KLK13: variants seen among roughly 807,000 people sequenced by gnomAD.
The protein encoded by KLK13 is kallikrein-13.
KLK13 carries 19 observed loss-of-function variants against 22.4 expected under a neutral mutation model. The ratio of observed to expected loss-of-function variants is 0.85; its 90% CI spans 0.59 to 1.24. KLK13 has a LOEUF of 1.24. Ranked by LOEUF, KLK13 falls within the 50% of genes most tolerant of loss-of-function variation. The pLI is 0.00. For synonymous variants in KLK13, 156 were observed against 141.8 expected, an observed-to-expected ratio of 1.10 and a Z score of -0.71; for missense variants, 311 against 347.9, an observed-to-expected ratio of 0.89 and a Z score of 0.84.
At chr19:51,064,381 G>C (rs1179428418) in intron 1 of KLK13, among the ~76,000 whole-genome samples, 1 of 151,294 alleles carries the variant, frequency 6.6e-6, no homozygotes, top group African/African-American at 2.4e-5. Context: ...CCAGCTACTC[G>C]GGAGGCTGAG....
At chr19:51,059,597 T>C in intron 3 of KLK13, 1 of 249,560 alleles carries the variant, frequency 4.0e-6, no homozygotes, top group Non-Finnish European at 7.2e-6. Flanking sequence ...ATTCATATAT[T>C]AGATCTATTT....
In KLK13 at chr19:51,056,723, G is replaced by A. The variant is rs147145797; in HGVS notation, c.698C>T (p.Ser233Phe). 5.0e-6 allele frequency: 8 copies of A among 1,614,204 alleles called. No homozygotes were observed. In the African/African-American group the frequency reaches 6.7e-5, roughly 13 times the overall value. Residue 233 changes from serine to phenylalanine, a missense_variant, in exon 5 of 5, where the codon TCC becomes TTC. Coordinates refer to ENST00000595793, the MANE Select transcript of KLK13 (RefSeq NM_015596.3). ...TTGCCCACATGGGAAGTCTCCCCAGGAGACGATGCCATACAGTGTTCTGTT... is the reference window on the plus strand; with the variant it reads ...TTGCCCACATGGGAAGTCTCCCCAGAAGACGATGCCATACAGTGTTCTGTT... ...VCNRTLYGIV[S>F]WGDFPCGQPD...
Position 51,058,667 on chromosome 19 carries a change from G to C in KLK13, c.516C>G (p.Tyr172Ter). The change falls in exon 4 of 5, where the codon TAC becomes TAG. Residue 172 changes from tyrosine to a stop codon, truncating the protein, a stop_gained. Coordinates refer to ENST00000595793, the MANE Select transcript of KLK13 (RefSeq NM_015596.3). LOFTEE classifies it high-confidence loss of function. The part of the protein sequence containing the change: ...WGTTTSPQVN[Y>*]PKTLQCANIQ... Reference sequence around the variant, plus strand: ...TGTTGGCACATTGTAGAGTTTTGGGGTAATTCACTGGGGAGAAGAAAGAGA... The same window carrying C: ...TGTTGGCACATTGTAGAGTTTTGGGCTAATTCACTGGGGAGAAGAAAGAGA... 1.2e-6 allele frequency: 2 copies of C among 1,614,166 alleles called. No individual in the cohort carries two copies. Among genetic ancestry groups the C allele is most frequent in the Non-Finnish European group, 8.5e-7 (1 of 1,180,016 alleles).
chr19:51,059,294 T>G (rs548917872), intron 3 of KLK13, among the ~76,000 whole-genome samples: 1 of 149,548 alleles, frequency 6.7e-6, no homozygotes, highest in South Asian at 2.1e-4. Flanking sequence ...TTTAATATAT[T>G]AAACATTTTA....
intron 3 of KLK13, 74 bp downstream of exon 3, chr19:51,059,751 C>T: frequency 7.7e-7 from 1 of 1,291,102 alleles, no homozygotes. Context: ...CTACCTCAGA[C>T]CTTCCCTCCC....
chr19:51,059,192 T>C (rs1455953237), intron 3 of KLK13, among the ~76,000 whole-genome samples: 1 of 151,854 alleles, frequency 6.6e-6, no homozygotes, highest in Non-Finnish European at 1.5e-5. Context: ...ACATCAACTT[T>C]ATATTCACAT....
intron 3 of KLK13, 195 bp downstream of exon 3, chr19:51,059,630 T>G (rs1484336517): frequency 3.2e-6 from 1 of 308,674 alleles, no homozygotes; most frequent in Non-Finnish European, 5.6e-6. Flanking sequence ...ATTCATGAAT[T>G]TATATACTCA....
At chr19:51,064,766 T>C (rs2091764837) in intron 1 of KLK13, 2 of 641,628 alleles carry the variant, frequency 3.1e-6, no homozygotes, top group South Asian at 1.6e-5. Flanking sequence ...ACAGGAAGCC[T>C]TGAACGCGGG....
intron 3 of KLK13, chr19:51,059,620 AT>A (rs2091706862): frequency 3.4e-6 from 1 of 290,172 alleles, no homozygotes. Flanking sequence ...ATTTCTATAT[AT>A]TCATGAATTT....
intron 3 of KLK13, among the ~76,000 whole-genome samples, chr19:51,059,434 A>G (rs941183352): frequency 6.8e-6 from 1 of 146,182 alleles, no homozygotes; most frequent in Non-Finnish European, 1.5e-5. Context: ...ATTTAAATAT[A>G]GATTATATAT....
At chr19:51,057,089 G>T (rs1568587009) in intron 4 of KLK13, among the ~76,000 whole-genome samples, 4 of 152,070 alleles carry the variant, frequency 2.6e-5, no homozygotes, top group Middle Eastern at 3.4e-3. Flanking sequence ...CATTAAAATG[G>T]TAACAACTTA....
chr19:51,064,559 C>T (rs1272137229), intron 1 of KLK13: 7 of 488,570 alleles, frequency 1.4e-5, no homozygotes, highest in Non-Finnish European at 2.9e-5. Context: ...ACTTTCAAGT[C>T]CCTTCTACCT....
chr19:51,060,339 TAACTCC>T, intron 2 of KLK13, 88 bp downstream of exon 2: 1 of 1,343,028 alleles, frequency 7.4e-7, no homozygotes, highest in Non-Finnish European at 1.0e-6. Flanking sequence ...TCCCCAACCC[TAACTCC>T]AACTCCATCC....
chr19:51,063,642 G>T (rs1299718194), intron 1 of KLK13: 1 of 456,678 alleles, frequency 2.2e-6, no homozygotes, highest in Non-Finnish European at 4.4e-6. Context: ...CTAGCCTAGG[G>T]TGTGGCACTC....
intron 2 of KLK13, 97 bp downstream of exon 2, chr19:51,060,336 C>T (rs1474183926): frequency 2.3e-6 from 3 of 1,327,276 alleles, no homozygotes; most frequent in East Asian, 2.4e-5. Context: ...CCATCCCCAA[C>T]CCTAACTCCA....
rs537995381 is a variant in KLK13, at chr19:51,055,908, G to C, written c.*679C>G. ...ACCCTATAACTCTAGAGACTAGGGTGCCATTGATTCAGAGAGGGAATGTTG... is the reference window on the plus strand; with the variant it reads ...ACCCTATAACTCTAGAGACTAGGGTCCCATTGATTCAGAGAGGGAATGTTG... On this transcript the variant is annotated 3_prime_UTR_variant, in exon 5 of 5. Coordinates refer to ENST00000595793, the MANE Select transcript of KLK13 (RefSeq NM_015596.3). Among the ~76,000 whole-genome samples the C allele has an allele frequency of 1.2e-4, 19 of 152,318 alleles. No individual in the cohort carries two copies. Among genetic ancestry groups the C allele is most frequent in the African/African-American group, 4.6e-4 (19 of 41,572 alleles).
rs199629827 is a variant in KLK13 at position 51,060,512 on chromosome 19, G to A, written c.160C>T (p.Leu54=). 3.3e-4 allele frequency: 533 copies of A among 1,613,988 alleles called. 1 individual carries two copies. Among genetic ancestry groups the A allele is most frequent in the Admixed American group, 4.8e-4 (29 of 60,020 alleles). ...CCACAGAGTAGCCGCCCTTGCACTA[G>A]TAGGGCAGCCTGCCAGGGCTGAGAG... ...PHSQPWQAAL[L]VQGRLLCGGV... is the part of the protein sequence containing the mutation. Residue 54 remains leucine (L), a synonymous_variant, in exon 2 of 5, where the codon CTA becomes TTA. Transcript: ENST00000595793.
intron 2 of KLK13, 33 bp downstream of exon 2, chr19:51,060,400 T>A (rs770798061): frequency 8.4e-6 from 13 of 1,544,384 alleles, no homozygotes; most frequent in African/African-American, 1.4e-5. Flanking sequence ...CCCATTCTCA[T>A]CCCTACCCCA....
chr19:51,060,657 A>AG (rs1298482902), intron 1 of KLK13, 38 bp from the exon 2 acceptor site: 18 of 1,507,506 alleles, frequency 1.2e-5, no homozygotes, highest in Admixed American at 1.8e-5. Flanking sequence ...ACTGGGATCC[A>AG]GGGGGCAGAG....
Sources: allele counts gnomAD v4.1 joint callset (sites outside exome capture counted in the v4.1 genomes callset), GRCh38; gene constraint gnomAD v4.1.1; transcripts MANE v1.5; gene names NCBI Gene and HGNC (gene_info 2026-07-23, HGNC 2026-07-21).